The following IFI16 variants were observed in gnomAD, a reference collection of about 807,000 sequenced individuals.
The protein encoded by IFI16 is gamma-interferon-inducible protein 16.
IFI16 carries 49 observed loss-of-function variants against 68.4 expected under a neutral mutation model. The observed-to-expected ratio is 0.72, with a 90% CI of 0.57 to 0.91. The LOEUF is 0.91. Ranked by LOEUF, IFI16 falls within the 40% of genes least tolerant of loss-of-function variation. IFI16 has a pLI of 0.00. For missense variants in IFI16, 878 were observed against 942.9 expected (o/e 0.93, Z 0.90); for synonymous variants, 307 against 315.0 (o/e 0.97, Z 0.27).
chr1:159,054,379 A>G (rs1454480271), intron 11 of IFI16, among the ~76,000 whole-genome samples: 2 of 152,228 alleles, frequency 1.3e-5, no homozygotes, highest in Non-Finnish European at 2.9e-5. Flanking sequence ...ATATTCAGGC[A>G]CACACATGCT....
At chr1:159,041,842 A>G (rs1368457591) in intron 7 of IFI16, among the ~76,000 whole-genome samples, 1 of 152,204 alleles carries the variant, frequency 6.6e-6, no homozygotes, top group Non-Finnish European at 1.5e-5. Flanking sequence ...AAAATCATAT[A>G]TGGAGCCCAT....
chr1:159,046,632 T>A (rs1298184896), intron 8 of IFI16, among the ~76,000 whole-genome samples: 3 of 151,102 alleles, frequency 2.0e-5, no homozygotes, highest in African/African-American at 7.3e-5. Flanking sequence ...ACATCAGAGG[T>A]TAGTTTCACT....
Position 159,052,004 on chromosome 1 carries a change from G to A in IFI16, c.1991G>A (p.Gly664Glu), listed in dbSNP as rs1655394233. The A allele has an allele frequency of 6.2e-7, 1 of 1,614,006 alleles. No individual in the cohort carries two copies. The change falls in exon 10 of 12, where the codon GGA becomes GAA. Residue 664 changes from glycine (G) to glutamate (E), a missense_variant. Gly to Glu is a moderately conservative substitution (Grantham distance 98). Coordinates refer to ENST00000295809, the MANE Select transcript of IFI16 (RefSeq NM_001376587.1). Reference protein sequence around the residue: ...NADRNMEIPKGLIRSASVTPK... With the variant: ...NADRNMEIPKELIRSASVTPK... ...GACCGAAACATGGAGATCCCAAAAG[G>A]ATTGATTAGAAGTGCCAGCGTAACT... is the stretch of plus-strand genomic sequence containing the variant.
At chr1:159,037,546 G>A (rs1020451629) in intron 7 of IFI16, among the ~76,000 whole-genome samples, 2 of 152,122 alleles carry the variant, frequency 1.3e-5, no homozygotes, top group African/African-American at 4.8e-5. Context: ...AATCATGATC[G>A]GGTATGGTAG....
intron 10 of IFI16, 80 bp from the exon 11 acceptor site, chr1:159,053,452 TC>T: frequency 9.8e-7 from 1 of 1,017,936 alleles, no homozygotes; most frequent in Non-Finnish European, 1.5e-6. Flanking sequence ...GACAAAAGTT[TC>T]CAGAAACACC....
chr1:159,005,169 T>A (rs1282012269), upstream of IFI16, among the ~76,000 whole-genome samples: 1 of 152,222 alleles, frequency 6.6e-6, no homozygotes, highest in Non-Finnish European at 1.5e-5. Flanking sequence ...TACTGATGCT[T>A]GACCTTGGAC....
rs117615627 is a variant in IFI16 at position 159,024,621 on chromosome 1, G to A, written c.1161+4092G>A. On this transcript the variant is annotated intron_variant, in intron 6 of 11. Coordinates refer to ENST00000295809, the MANE Select transcript of IFI16 (RefSeq NM_001376587.1). ...CTTGGCTGCAGGTGCTCACAATGATGAGTGCTACGGGTAATTGTGTCAATT... is the reference window on the plus strand; with the variant it reads ...CTTGGCTGCAGGTGCTCACAATGATAAGTGCTACGGGTAATTGTGTCAATT... Among the ~76,000 whole-genome samples the A allele has an allele frequency of 4.4e-4, 67 of 152,300 alleles. 1 individual carries two copies. The East Asian group carries it at 9.4e-3, about 21-fold the overall frequency.
chr1:159,054,873 T>G lies in IFI16; in HGVS notation c.2330T>G (p.Met777Arg), dbSNP rs1052876138. Residue 777 changes from methionine to arginine, a missense_variant, in exon 12 of 12, where the codon ATG (methionine) becomes AGG (arginine). This residue lies in a region of IFI16 where 311 missense variants were observed against 305.1 expected (regional missense o/e 1.02). Coordinates refer to ENST00000295809, the MANE Select transcript of IFI16 (RefSeq NM_001376587.1). ...GACATACTCAATCCTGATTCAAGTA[T>G]GGAAACTTCACCAGACTTTTTCTTC... ...KKDILNPDSS[M>R]ETSPDFFF The G allele has an allele frequency of 2.5e-6, 4 of 1,603,156 alleles. No individual in the cohort carries two copies. The South Asian group carries it at 4.4e-5, about 18-fold the overall frequency.
At chr1:159,044,382 A>T (rs142854172) in intron 7 of IFI16, among the ~76,000 whole-genome samples, 5,370 of 152,236 alleles carry the variant, frequency 0.035, 135 homozygotes, top group Middle Eastern at 0.048. Context: ...CAATTTTGAA[A>T]ATACAGTGTT....
At chr1:159,013,977 ACAAAT>A (rs1420703508) in intron 1 of IFI16, among the ~76,000 whole-genome samples, 1 of 126,698 alleles carries the variant, frequency 7.9e-6, no homozygotes, top group African/African-American at 3.0e-5. Context: ...AAATAATTAG[ACAAAT>A]CAAGTCTGAA....
upstream of IFI16, among the ~76,000 whole-genome samples, chr1:159,004,365 T>A (rs1652173777): frequency 6.6e-6 from 1 of 152,030 alleles, no homozygotes; most frequent in Non-Finnish European, 1.5e-5. Context: ...CCCTTATTGC[T>A]AAGTAAATCT....
chr1:159,034,728 T>C (rs530836357), intron 7 of IFI16, among the ~76,000 whole-genome samples: 8 of 152,302 alleles, frequency 5.3e-5, no homozygotes, highest in African/African-American at 1.9e-4. Context: ...TGGTTCTCTC[T>C]GGTCCTCCCT....
chr1:159,017,605 ATTG>A (rs3048686), intron 4 of IFI16, among the ~76,000 whole-genome samples: 107,404 of 150,054 alleles, frequency 0.72, 42,435 homozygotes, highest in Non-Finnish European at 0.88. Flanking sequence ...TTATTTATTT[ATTG>A]TTGTTGTTGT....
chr1:159,040,678 A>G (rs1452446196), intron 7 of IFI16, among the ~76,000 whole-genome samples: 1 of 152,206 alleles, frequency 6.6e-6, no homozygotes, highest in Admixed American at 6.5e-5. Context: ...TGTGTGCATC[A>G]GGCAGAAATT....
rs569217332 is a variant in IFI16 at position 159,049,241 on chromosome 1, C to G, written c.1498-191C>G. Among the ~76,000 whole-genome samples, 63 of 146,970 alleles carry G rather than the reference C, an allele frequency of 4.3e-4. 1 individual carries two copies. Among genetic ancestry groups the G allele is most frequent in the South Asian group, 2.1e-4 (1 of 4,738 alleles). ...CAGTTATCTGAGTTTTTAATCCTGA[C>G]TGGGATGAGAGAAGGCTGAGTGATA... is the stretch of plus-strand genomic sequence containing the variant. On this transcript the variant is annotated intron_variant, in intron 8 of 11. Transcript: ENST00000295809.
intron 6 of IFI16, among the ~76,000 whole-genome samples, chr1:159,021,648 TC>T (rs1653320632): frequency 6.6e-6 from 1 of 152,144 alleles, no homozygotes; most frequent in Non-Finnish European, 1.5e-5. Flanking sequence ...AAATGGTAGA[TC>T]TGCTTTTTAG....
intron 7 of IFI16, among the ~76,000 whole-genome samples, chr1:159,040,667 A>T (rs1042994051): frequency 6.6e-6 from 1 of 152,210 alleles, no homozygotes; most frequent in African/African-American, 2.4e-5. Context: ...AGCATGGAAA[A>T]TGTGTGCATC....
chr1:159,032,628 T>C lies in IFI16; in HGVS notation c.1266T>C (p.Pro422=), dbSNP rs1337340261. 4.3e-6 allele frequency: 7 copies of C among 1,612,986 alleles called. No individual in the cohort carries two copies. Among genetic ancestry groups the C allele is most frequent in the Non-Finnish European group, 5.9e-6 (7 of 1,179,510 alleles). Reference sequence around the variant, plus strand: ...CTTCAGAGGCCAGCACAACCTTCCCTGAGAGCCATCTTCGGACTCCTCAGA... The same window carrying C: ...CTTCAGAGGCCAGCACAACCTTCCCCGAGAGCCATCTTCGGACTCCTCAGA... The part of the protein sequence containing the change: ...PYPSEASTTF[P]ESHLRTPQMP... The change falls in exon 7 of 12, where the codon CCT becomes CCC. Residue 422 remains proline (P), a synonymous_variant. Coordinates refer to ENST00000295809, the MANE Select transcript of IFI16 (RefSeq NM_001376587.1).
intron 7 of IFI16, among the ~76,000 whole-genome samples, chr1:159,035,244 T>G (rs1477670900): frequency 6.6e-6 from 1 of 152,162 alleles, no homozygotes; most frequent in Non-Finnish European, 1.5e-5. Context: ...ATGCAGGTGT[T>G]ATTTGAAGAA....
Sources: gnomAD v4.1 joint callset for allele counts (sites outside exome capture counted in the v4.1 genomes callset) on GRCh38, gnomAD v4.1.1 for gene constraint, gnomAD v4.1.1 regional missense constraint, MANE v1.5 for transcripts, NCBI Gene and HGNC (gene_info 2026-07-23, HGNC 2026-07-21) for gene names.